The following HSD17B13 variants were observed in gnomAD, a reference collection of about 807,000 sequenced individuals.
HSD17B13 encodes 17-beta-hydroxysteroid dehydrogenase 13.
A neutral mutation model predicts 31.1 loss-of-function variants in HSD17B13; 26 were observed. The observed-to-expected ratio is 0.84, with a 90% CI of 0.61 to 1.16. HSD17B13 has a LOEUF of 1.16. Among genes scored for constraint, HSD17B13 ranks in the 50% most tolerant of loss-of-function variants. The pLI, the probability that HSD17B13 is intolerant of heterozygous loss-of-function variation, is 0.00. For synonymous variants in HSD17B13, 141 were observed against 133.7 expected (o/e 1.05, Z -0.38); for missense variants, 374 against 366.5 (o/e 1.02, Z -0.17).
chr4:87,316,682 T>C (rs1328002360), intron 3 of HSD17B13, among the ~76,000 whole-genome samples: 2 of 152,194 alleles, frequency 1.3e-5, no homozygotes, highest in Admixed American at 1.3e-4. Flanking sequence ...TAATTACTTC[T>C]GATGTCCTTT....
intron 4 of HSD17B13, 64 bp downstream of exon 4, chr4:87,315,429 T>G: frequency 1.1e-6 from 1 of 928,074 alleles, no homozygotes; most frequent in African/African-American, 1.6e-5. Context: ...GTGGTAACAA[T>G]TTGAAGTGTA....
intron 6 of HSD17B13, among the ~76,000 whole-genome samples, chr4:87,308,139 C>A (rs971433839): frequency 6.6e-6 from 1 of 152,088 alleles, no homozygotes; most frequent in African/African-American, 2.4e-5. Context: ...CATTTGAAGT[C>A]TATACATTTT....
At chr4:87,314,866 G>A (rs1734616136) in intron 4 of HSD17B13, among the ~76,000 whole-genome samples, 1 of 152,114 alleles carries the variant, frequency 6.6e-6, no homozygotes, top group African/African-American at 2.4e-5. Flanking sequence ...TTCTCTCATT[G>A]TTCTACAGAG....
chr4:87,305,333 G>A (rs759313032), intron 6 of HSD17B13, 25 bp from the exon 7 acceptor site: 3 of 1,479,022 alleles, frequency 2.0e-6, no homozygotes, highest in Non-Finnish European at 2.7e-6. Context: ...AAAAAAAATT[G>A]AAAAATTTTC....
At chr4:87,310,197 A>AT in intron 6 of HSD17B13, 46 bp downstream of exon 6, 20 of 1,463,382 alleles carry the variant, frequency 1.4e-5, no homozygotes, top group Admixed American at 5.7e-5. Context: ...CAAAAAAAAA[A>AT]GCTCTATTGG....
At chr4:87,313,773 A>T (rs559107427) in intron 5 of HSD17B13, 50 bp downstream of exon 5, 2 of 1,505,470 alleles carry the variant, frequency 1.3e-6, no homozygotes, top group Non-Finnish European at 9.1e-7. Context: ...ATTAGTTTTC[A>T]TATCAATTTA....
chr4:87,317,899 T>C (rs1221766706), intron 2 of HSD17B13, among the ~76,000 whole-genome samples: 3 of 152,170 alleles, frequency 2.0e-5, no homozygotes, highest in African/African-American at 7.2e-5. Flanking sequence ...ATTTACTCTT[T>C]TAAAATAATT....
intron 2 of HSD17B13, 123 bp downstream of exon 2, chr4:87,318,206 C>G: frequency 1.4e-6 from 1 of 700,604 alleles, no homozygotes; most frequent in Non-Finnish European, 2.5e-6. Context: ...GGTGACATAA[C>G]TACTTCAGTT....
intron 6 of HSD17B13, 44 bp downstream of exon 6, chr4:87,310,199 C>A: frequency 4.2e-6 from 6 of 1,441,634 alleles, no homozygotes; most frequent in Middle Eastern, 1.9e-4. Context: ...AAAAAAAAAG[C>A]TCTATTGGTG....
At chr4:87,313,786 A>G (rs1276784843) in intron 5 of HSD17B13, 37 bp downstream of exon 5, 1 of 1,572,134 alleles carries the variant, frequency 6.4e-7, no homozygotes, top group Admixed American at 1.8e-5. Context: ...TCAATTTATC[A>G]TACCACATAC....
intron 6 of HSD17B13, among the ~76,000 whole-genome samples, chr4:87,306,102 G>A (rs1578435278): frequency 6.6e-6 from 1 of 152,100 alleles, no homozygotes; most frequent in Admixed American, 6.5e-5. Context: ...GGTTGCTTAC[G>A]ACAGGTCATC....
intron 6 of HSD17B13, among the ~76,000 whole-genome samples, chr4:87,307,201 C>T (rs894363051): frequency 2.0e-5 from 3 of 151,874 alleles, no homozygotes; most frequent in Admixed American, 1.3e-4. Flanking sequence ...AAAATTGTGT[C>T]TCTCTATAAA....
intron 1 of HSD17B13, 80 bp downstream of exon 1, chr4:87,322,551 TA>T (rs1434759342): frequency 9.1e-7 from 1 of 1,093,314 alleles, no homozygotes; most frequent in Non-Finnish European, 1.4e-6. Flanking sequence ...AATACAAAGA[TA>T]AGTAGATGGT....
chr4:87,312,902 A>C (rs1210680509), intron 5 of HSD17B13, among the ~76,000 whole-genome samples: 1 of 151,752 alleles, frequency 6.6e-6, no homozygotes. Flanking sequence ...TCTACTAAAA[A>C]TACAAAAATT....
At chr4:87,306,479 T>C (rs1228910693) in intron 6 of HSD17B13, among the ~76,000 whole-genome samples, 4 of 152,204 alleles carry the variant, frequency 2.6e-5, no homozygotes, top group Admixed American at 2.0e-4. Flanking sequence ...CTTAAAACAA[T>C]TATTGAAAAA....
In HSD17B13 at chr4:87,322,615, G is replaced by C; in HGVS notation, c.210+17C>G. The C allele has an allele frequency of 1.3e-6, 2 of 1,525,780 alleles. No homozygotes were observed. Among genetic ancestry groups the C allele is most frequent in the Non-Finnish European group, 1.8e-6 (2 of 1,099,640 alleles). The allele number at this position is 1,525,780 out of a possible 1,614,324, so 94.5% of individuals were successfully genotyped here. On this transcript the variant is annotated intron_variant, in intron 1 of 6. Coordinates refer to ENST00000328546, the MANE Select transcript of HSD17B13 (RefSeq NM_178135.5). ...CTTACTCTGTGACTTTAAAAAGTTG[G>C]AAGATGTATACATTACCTTATTAAT...
At chr4:87,318,278 C>T in intron 2 of HSD17B13, 51 bp downstream of exon 2, 4 of 1,355,000 alleles carry the variant, frequency 3.0e-6, no homozygotes, top group Non-Finnish European at 3.2e-6. Flanking sequence ...TCCACGTCAG[C>T]GTCCTAGGAA....
intron 1 of HSD17B13, among the ~76,000 whole-genome samples, chr4:87,321,087 T>C (rs1734776139): frequency 1.3e-5 from 2 of 152,222 alleles, no homozygotes. Context: ...TGGAGTGCAA[T>C]GATGCCATCA....
Position 87,305,088 on chromosome 4 carries a change from T to C in HSD17B13, c.*130A>G. On this transcript the variant is annotated 3_prime_UTR_variant, in exon 7 of 7. Coordinates refer to ENST00000328546, the MANE Select transcript of HSD17B13 (RefSeq NM_178135.5). Reference sequence around the variant, plus strand: ...AGGTAATTAATCTTGTTCGTTTGACTGCTGCTAGTGCCAAACCAATGTTTT... The same window carrying C: ...AGGTAATTAATCTTGTTCGTTTGACCGCTGCTAGTGCCAAACCAATGTTTT... The C allele has an allele frequency of 2.1e-6, 1 of 466,808 alleles. No homozygotes were observed. The highest frequency in any genetic ancestry group is 3.7e-6 in the Non-Finnish European group (1 of 273,302). 28.9% of individuals were successfully genotyped at this position (466,808 alleles called of 1,614,324 possible). A position where few individuals can be genotyped will look rare whatever the true frequency, so the allele number is the denominator to read the frequency against.
Sources: gnomAD v4.1 joint callset for allele counts (sites outside exome capture counted in the v4.1 genomes callset) on GRCh38, gnomAD v4.1.1 for gene constraint, MANE v1.5 for transcripts, NCBI Gene and HGNC (gene_info 2026-07-23, HGNC 2026-07-21) for gene names.